The following SDHAF2 variants were observed in gnomAD, a reference collection of about 807,000 sequenced individuals.
The protein encoded by SDHAF2 is succinate dehydrogenase assembly factor 2, mitochondrial.
In SDHAF2, 21 loss-of-function variants were observed where a neutral mutation model predicts 18.5. The ratio of observed to expected loss-of-function variants is 1.13; its 90% confidence interval spans 0.80 to 1.63. The LOEUF is 1.63. Among genes scored for constraint, SDHAF2 ranks in the 40% most tolerant of loss-of-function variants. SDHAF2 has a pLI of 0.00. For synonymous variants in SDHAF2, 84 were observed against 70.7 expected, an observed-to-expected ratio of 1.19 and a Z score of -0.94; for missense variants, 195 against 200.3, an observed-to-expected ratio of 0.97 and a Z score of 0.16.
chr11:61,434,027 A>G (rs985669390), intron 1 of SDHAF2: 1 of 152,224 alleles, frequency 6.6e-6, no homozygotes, highest in Non-Finnish European at 1.5e-5. Context: ...AGCTGGGACT[A>G]TAGGGTCATG....
chr11:61,435,237 T>C (rs1159308847), intron 1 of SDHAF2: 1 of 152,154 alleles, frequency 6.6e-6, no homozygotes, highest in Non-Finnish European at 1.5e-5. Flanking sequence ...AAAATTTTCA[T>C]TTGGTTATTT....
At position 61,445,978 on chromosome 11, in the gene SDHAF2, C is replaced by A; in HGVS notation, c.408C>A (p.Val136=). The A allele has an allele frequency of 6.2e-7, 1 of 1,614,168 alleles. No homozygotes were observed. Among genetic ancestry groups the A allele is most frequent in the South Asian group, 1.1e-5 (1 of 91,066 alleles). Residue 136 remains valine (V), a synonymous_variant, in exon 4 of 4, where the codon GTC becomes GTA. Transcript: ENST00000301761. ...CCCCAGAAATATTTGAAAATGAAGT[C>A]ATGGCCCTGCTGAGAGACTTTGCTA... ...KPAPEIFENE[V]MALLRDFAKN... is the part of the protein sequence containing the mutation.
Position 61,430,185 on chromosome 11 carries a change from G to A in SDHAF2, c.36+3G>A, listed in dbSNP as rs750312535. On this transcript the variant is annotated splice_donor_region_variant and intron_variant, in intron 1 of 3. Coordinates refer to ENST00000301761, the MANE Select transcript of SDHAF2 (RefSeq NM_017841.4). ...CAGTGTTCTCGACTTCGTCGCTGGTGAGGAGAGAGAACGTTCTAGCGTCCG... is the reference window on the plus strand; with the variant it reads ...CAGTGTTCTCGACTTCGTCGCTGGTAAGGAGAGAGAACGTTCTAGCGTCCG... 6.8e-6 allele frequency: 11 copies of A among 1,614,120 alleles called. No individual in the cohort carries two copies. Among genetic ancestry groups the A allele is most frequent in the Non-Finnish European group, 1.7e-6 (2 of 1,180,050 alleles).
At chr11:61,438,188 G>T in intron 3 of SDHAF2, 75 bp downstream of exon 3, 6 of 1,126,022 alleles carry the variant, frequency 5.3e-6, no homozygotes, top group South Asian at 1.3e-5. Flanking sequence ...TTGTATCCTA[G>T]ATAATTTTTT....
At chr11:61,436,122 C>CAAA in intron 1 of SDHAF2, 3 of 138,916 alleles carry the variant, frequency 2.2e-5, no homozygotes, top group Non-Finnish European at 3.1e-5. Flanking sequence ...AACTCCGTCT[C>CAAA]AAAAAAAAAA....
At position 61,446,702 on chromosome 11, in the gene SDHAF2, G is replaced by A; in HGVS notation, c.*631G>A. 5.0e-6 allele frequency: 2 copies of A among 399,552 alleles called. No individual in the cohort carries two copies. The highest frequency in any genetic ancestry group is 8.8e-6 in the Non-Finnish European group (2 of 226,788). The allele number at this position is 399,552 out of a possible 1,614,324, so 24.8% of individuals were successfully genotyped here. A position where few individuals can be genotyped will look rare whatever the true frequency, so the allele number is the denominator to read the frequency against. On this transcript the variant is annotated 3_prime_UTR_variant, in exon 4 of 4. Transcript: ENST00000301761. Reference sequence around the variant, plus strand: ...AAAACGTGCACTTTGTAATTTGAAAGAGAATTATTAAAGCATACTGAAAAA... The same window carrying A: ...AAAACGTGCACTTTGTAATTTGAAAAAGAATTATTAAAGCATACTGAAAAA...
In SDHAF2 at chr11:61,437,609, GGTTT is replaced by G; in HGVS notation, c.37-12_37-9del. On this transcript the variant is annotated splice_polypyrimidine_tract_variant and intron_variant, in intron 1 of 3. Coordinates refer to ENST00000301761, the MANE Select transcript of SDHAF2 (RefSeq NM_017841.4). The stretch of plus-strand genomic sequence containing the variant: ...TCGTCATTATTGTAAAGATGTTTGT[GGTTT>G]GTTCATTTCAGATGCTTGCTCTGTC... The G allele has an allele frequency of 6.3e-7, 1 of 1,592,536 alleles. No individual in the cohort carries two copies. Among genetic ancestry groups the G allele is most frequent in the African/African-American group, 1.3e-5 (1 of 74,598 alleles).
chr11:61,430,437 T>C, intron 1 of SDHAF2: 1 of 565,358 alleles, frequency 1.8e-6, no homozygotes, highest in South Asian at 2.3e-5. Context: ...GCCTCTCACC[T>C]ACGTCCCAGG....
chr11:61,432,918 T>A (rs1464151746), intron 1 of SDHAF2: 3 of 152,116 alleles, frequency 2.0e-5, no homozygotes, highest in Non-Finnish European at 4.4e-5. Context: ...ATTAACAAAT[T>A]TTTATAGTTG....
chr11:61,433,691 C>T (rs909263010), intron 1 of SDHAF2: 1 of 152,180 alleles, frequency 6.6e-6, no homozygotes, highest in African/African-American at 2.4e-5. Flanking sequence ...TATGGTGGGG[C>T]TTGGGAATCT....
intron 3 of SDHAF2, among the ~76,000 whole-genome samples, chr11:61,441,308 G>A (rs576069333): frequency 1.8e-4 from 27 of 152,134 alleles, no homozygotes; most frequent in Middle Eastern, 3.4e-3. Flanking sequence ...TGAGGTGGGC[G>A]GATCACGAGG....
chr11:61,444,416 C>G (rs1322783717), intron 3 of SDHAF2: 1 of 152,248 alleles, frequency 6.6e-6, no homozygotes, highest in Non-Finnish European at 1.5e-5. Flanking sequence ...CAACATAAGG[C>G]TGGCCCTGTC....
rs1403428296 is a variant in SDHAF2 at position 61,440,864 on chromosome 11, CCA to C, written c.370+2752_370+2753del. Among the ~76,000 whole-genome samples, 3 of 152,166 alleles carry C rather than the reference CCA, an allele frequency of 2.0e-5. No individual in the cohort carries two copies. The East Asian group carries it at 5.8e-4, about 29-fold the overall frequency. On this transcript the variant is annotated intron_variant, in intron 3 of 3. Transcript: ENST00000301761. ...AAAATAGAATTTCATACTGTTTTCA[CCA>C]GTTATGAAATATACATTTGATTTTT... is the stretch of plus-strand genomic sequence containing the variant.
chr11:61,441,740 C>T (rs1224111491), intron 3 of SDHAF2, among the ~76,000 whole-genome samples: 1 of 152,050 alleles, frequency 6.6e-6, no homozygotes, highest in African/African-American at 2.4e-5. Context: ...TTAGCCATTC[C>T]AAGAAGTATA....
Position 61,446,262 on chromosome 11 carries a change from T to C in SDHAF2, c.*191T>C. 1 of 678,348 alleles carries C rather than the reference T, an allele frequency of 1.5e-6. No homozygotes were observed. The highest frequency in any genetic ancestry group is 1.7e-5 in the South Asian group (1 of 60,206). The allele number at this position is 678,348 out of a possible 1,614,324, so 42.0% of individuals were successfully genotyped here. A position where few individuals can be genotyped will look rare whatever the true frequency, so the allele number is the denominator to read the frequency against. Reference sequence around the variant, plus strand: ...TGCACAATGTGACTCATTCTCATACTTTTTTGTTCAGCTCTGAGCCTCAAA... The same window carrying C: ...TGCACAATGTGACTCATTCTCATACCTTTTTGTTCAGCTCTGAGCCTCAAA... On this transcript the variant is annotated 3_prime_UTR_variant, in exon 4 of 4. Coordinates refer to ENST00000301761, the MANE Select transcript of SDHAF2 (RefSeq NM_017841.4).
chr11:61,438,052 C>T lies in SDHAF2; in HGVS notation c.309C>T (p.Asn103=), dbSNP rs184314049. The part of the protein sequence containing the change: ...HLQHMTEKQL[N]LYDRLINEPS... Reference sequence around the variant, plus strand: ...AGCACATGACAGAAAAGCAGCTGAACCTCTATGACCGCCTGATTAACGAGC... The same window carrying T: ...AGCACATGACAGAAAAGCAGCTGAATCTCTATGACCGCCTGATTAACGAGC... Residue 103 remains asparagine, a synonymous_variant, in exon 3 of 4, where the codon AAC becomes AAT. Transcript: ENST00000301761. The T allele has an allele frequency of 1.6e-4, 264 of 1,614,062 alleles. 2 individuals carry two copies. The highest frequency in any genetic ancestry group is 4.9e-4 in the Middle Eastern group (3 of 6,062).
At chr11:61,443,702 C>G (rs1862098159) in intron 3 of SDHAF2, among the ~76,000 whole-genome samples, 1 of 152,222 alleles carries the variant, frequency 6.6e-6, no homozygotes. Flanking sequence ...ACCTCCACCT[C>G]CCAGGTTCAA....
At chr11:61,432,926 T>C (rs1861950070) in intron 1 of SDHAF2, 1 of 152,118 alleles carries the variant, frequency 6.6e-6, no homozygotes, top group Non-Finnish European at 1.5e-5. Context: ...ATTTTTATAG[T>C]TGTTTTTATA....
Position 61,437,693 on chromosome 11 carries a change from C to T in SDHAF2, c.105C>T (p.Tyr35=). The part of the protein sequence containing the change: ...LLSVTSFRRF[Y]RGDSPTDSQK... ...GTGTGACATCATTCAGACGCTTCTA[C>T]AGAGGTGACAGCCCAACAGATTCCC... Residue 35 remains tyrosine, a synonymous_variant, in exon 2 of 4, where the codon TAC becomes TAT. Coordinates refer to ENST00000301761, the MANE Select transcript of SDHAF2 (RefSeq NM_017841.4). The T allele has an allele frequency of 6.2e-7, 1 of 1,614,192 alleles. No homozygotes were observed. Among genetic ancestry groups the T allele is most frequent in the Non-Finnish European group, 8.5e-7 (1 of 1,180,028 alleles).
Sources: allele counts gnomAD v4.1 joint callset (sites outside exome capture counted in the v4.1 genomes callset), GRCh38; gene constraint gnomAD v4.1.1; transcripts MANE v1.5; gene names NCBI Gene and HGNC (gene_info 2026-07-23, HGNC 2026-07-21).